The following MCUB variants were observed in gnomAD, a reference collection of about 807,000 sequenced individuals.
The protein encoded by MCUB is mitochondrial calcium uniporter dominant negative subunit beta.
A neutral mutation model predicts 41.4 loss-of-function variants in MCUB; 46 were observed. That is an observed-to-expected ratio of 1.11 (90% confidence interval 0.88 to 1.42). The LOEUF (loss-of-function observed/expected upper bound fraction) is 1.42, where lower values mean the gene tolerates loss of function less well. Among genes scored for constraint, MCUB ranks in the 40% most tolerant of loss-of-function variants. The pLI is 0.00. For synonymous variants in MCUB, 148 were observed against 148.2 expected (o/e 1.00, Z 0.01); for missense variants, 403 against 404.9 (o/e 1.00, Z 0.04).
intron 1 of MCUB, among the ~76,000 whole-genome samples, chr4:109,627,990 T>G (rs879475591): frequency 9.9e-5 from 15 of 151,506 alleles, no homozygotes; most frequent in Non-Finnish European, 1.8e-4. Context: ...AGGGAACATA[T>G]AACATATAAG....
chr4:109,662,749 G>C (rs906736717), intron 3 of MCUB, among the ~76,000 whole-genome samples: 2 of 152,084 alleles, frequency 1.3e-5, no homozygotes, highest in African/African-American at 4.8e-5. Context: ...TAAGGAGCTG[G>C]TTTGAAGTCA....
At chr4:109,598,737 C>T (rs1001248078) in intron 1 of MCUB, among the ~76,000 whole-genome samples, 5 of 152,198 alleles carry the variant, frequency 3.3e-5, no homozygotes, top group South Asian at 2.1e-4. Context: ...AGGATTTGTC[C>T]GAGAACATCA....
At chr4:109,634,858 G>T (rs1237229161) in intron 1 of MCUB, among the ~76,000 whole-genome samples, 3 of 152,070 alleles carry the variant, frequency 2.0e-5, no homozygotes, top group African/African-American at 2.4e-5. Flanking sequence ...GAACATGCAG[G>T]TTCGTTACAT....
rs934989402 is a variant in MCUB at position 109,561,048 on chromosome 4, T to C, written c.99+612T>C. The C allele has an allele frequency of 5.3e-5, 8 of 150,256 alleles. 1 individual carries two copies. The highest frequency in any genetic ancestry group is 1.0e-4 in the African/African-American group (4 of 39,600). The allele number at this position is 150,256 out of a possible 1,614,324, so 9.3% of individuals were successfully genotyped here. On this transcript the variant is annotated intron_variant, in intron 1 of 7. Coordinates refer to ENST00000394650, the MANE Select transcript of MCUB (RefSeq NM_017918.5). ...TAACAGTTGGCCTGACACCGTTGTA[T>C]TGTGGTCTGTGGAGAACCGTGGCTT... is the stretch of plus-strand genomic sequence containing the variant.
intron 4 of MCUB, among the ~76,000 whole-genome samples, chr4:109,679,565 C>T (rs991628275): frequency 1.3e-5 from 2 of 151,976 alleles, no homozygotes; most frequent in Admixed American, 6.5e-5. Context: ...GAGGTTGCAG[C>T]GAGCCGAGAT....
At chr4:109,637,868 G>A (rs1308674562) in intron 1 of MCUB, among the ~76,000 whole-genome samples, 3 of 152,214 alleles carry the variant, frequency 2.0e-5, no homozygotes, top group Admixed American at 1.3e-4. Context: ...AACCAAATAC[G>A]ACCTGTTCCC....
chr4:109,614,338 A>T (rs549790354), intron 1 of MCUB, among the ~76,000 whole-genome samples: 86 of 152,050 alleles, frequency 5.7e-4, no homozygotes, highest in Non-Finnish European at 1.0e-3. Context: ...ATATGTGGAA[A>T]CCTTAAGCCT....
At chr4:109,591,452 C>G (rs1003774835) in intron 1 of MCUB, among the ~76,000 whole-genome samples, 1 of 152,100 alleles carries the variant, frequency 6.6e-6, no homozygotes, top group Non-Finnish European at 1.5e-5. Context: ...TCCCAAAGTC[C>G]TGGGATTACA....
At chr4:109,670,974 C>G (rs777385455) in intron 4 of MCUB, among the ~76,000 whole-genome samples, 6 of 152,228 alleles carry the variant, frequency 3.9e-5, no homozygotes, top group Non-Finnish European at 7.4e-5. Context: ...GTTTTCCTAC[C>G]CTGGTACTGA....
In MCUB at chr4:109,566,266, G is replaced by A. The variant is rs181077038; in HGVS notation, c.99+5830G>A. On this transcript the variant is annotated intron_variant, in intron 1 of 7. Coordinates refer to ENST00000394650, the MANE Select transcript of MCUB (RefSeq NM_017918.5). Reference sequence around the variant, plus strand: ...GGGCAGATCACGAGGTGAGGAGATCGAGACTATCCTGGCTAACACGGTGAA... The same window carrying A: ...GGGCAGATCACGAGGTGAGGAGATCAAGACTATCCTGGCTAACACGGTGAA... Among the ~76,000 whole-genome samples, 18 of 151,640 alleles carry A rather than the reference G, an allele frequency of 1.2e-4. 1 individual carries two copies. In the East Asian group the frequency reaches 3.3e-3, roughly 28 times the overall value.
intron 1 of MCUB, among the ~76,000 whole-genome samples, chr4:109,597,062 T>C (rs2126129759): frequency 6.6e-6 from 1 of 151,658 alleles, no homozygotes; most frequent in South Asian, 2.1e-4. Flanking sequence ...AGGTCACAGA[T>C]CAACAGGATC....
At chr4:109,664,028 A>C (rs1034991943) in intron 3 of MCUB, among the ~76,000 whole-genome samples, 1 of 152,216 alleles carries the variant, frequency 6.6e-6, no homozygotes, top group African/African-American at 2.4e-5. Flanking sequence ...CACCAAGGGC[A>C]CTACCTGGAT....
intron 1 of MCUB, among the ~76,000 whole-genome samples, chr4:109,594,208 C>T (rs1015586553): frequency 7.2e-5 from 11 of 152,168 alleles, no homozygotes; most frequent in Non-Finnish European, 1.0e-4. Context: ...ATACAGTCTA[C>T]GTGGATATTG....
Position 109,676,877 on chromosome 4 carries a change from G to T in MCUB, c.452-5705G>T, listed in dbSNP as rs564434341. Reference sequence around the variant, plus strand: ...TGAGAGGAGAATAGATTTAAAGACAGAATTCACAATTAAAAATGAGGCAGA... The same window carrying T: ...TGAGAGGAGAATAGATTTAAAGACATAATTCACAATTAAAAATGAGGCAGA... On this transcript the variant is annotated intron_variant, in intron 4 of 7. Transcript: ENST00000394650. 8.7e-4 allele frequency among the ~76,000 whole-genome samples: 133 copies of T among 152,346 alleles called. No individual in the cohort carries two copies. The Middle Eastern group carries it at 0.024, about 27-fold the overall frequency.
chr4:109,641,079 A>G (rs879465826), intron 1 of MCUB, among the ~76,000 whole-genome samples: 6 of 151,984 alleles, frequency 3.9e-5, no homozygotes, highest in Admixed American at 1.3e-4. Context: ...GGGAAGGGAA[A>G]GGTTGGCAGA....
chr4:109,561,386 CT>C (rs1367336088), intron 1 of MCUB, among the ~76,000 whole-genome samples: 1 of 152,176 alleles, frequency 6.6e-6, no homozygotes, highest in East Asian at 1.9e-4. Flanking sequence ...CCTTCCCCCC[CT>C]TTTCCTCCAG....
rs1159345907 is a variant in MCUB, at chr4:109,598,155, C to T, written c.99+37719C>T. 1.7e-4 allele frequency among the ~76,000 whole-genome samples: 25 copies of T among 144,200 alleles called. 1 individual carries two copies. The South Asian group carries it at 5.7e-3, about 33-fold the overall frequency. 94.6% of individuals were successfully genotyped at this position (144,200 alleles called of 152,430 possible). ...GGCTCCTCACATCCCAGACGATGGG[C>T]AGCCAGGCAGAGACGCTCCTCACTT... On this transcript the variant is annotated intron_variant, in intron 1 of 7. Coordinates refer to ENST00000394650, the MANE Select transcript of MCUB (RefSeq NM_017918.5).
chr4:109,633,370 C>A (rs1010633308), intron 1 of MCUB, among the ~76,000 whole-genome samples: 10 of 151,980 alleles, frequency 6.6e-5, no homozygotes, highest in African/African-American at 2.4e-4. Flanking sequence ...CGGGTTCACG[C>A]CATTGTCCTG....
At chr4:109,673,738 A>G (rs1307172342) in intron 4 of MCUB, 2 of 518,444 alleles carry the variant, frequency 3.9e-6, no homozygotes, top group Non-Finnish European at 6.8e-6. Context: ...TTCACAAGGA[A>G]GACACATAAA....
Sources: allele counts gnomAD v4.1 joint callset (sites outside exome capture counted in the v4.1 genomes callset), GRCh38; gene constraint gnomAD v4.1.1; transcripts MANE v1.5; gene names NCBI Gene and HGNC (gene_info 2026-07-23, HGNC 2026-07-21).